MAML3: variants seen among roughly 807,000 people sequenced by gnomAD.
MAML3 encodes mastermind-like protein 3.
Under a neutral mutation model 101.9 loss-of-function variants are expected in MAML3, and 27 were observed. The ratio of observed to expected loss-of-function variants is 0.27; its 90% CI spans 0.20 to 0.37. The LOEUF (loss-of-function observed/expected upper bound fraction) is 0.37. Ranked by LOEUF, MAML3 falls within the 10% of genes least tolerant of loss-of-function variation. The pLI is 1.00. For synonymous variants in MAML3, 501 were observed against 555.9 expected (o/e 0.90, Z 1.39); for missense variants, 1,316 against 1,444.9 (o/e 0.91, Z 1.45).
At chr4:139,953,819 A>G (rs1399098261) in intron 1 of MAML3, among the ~76,000 whole-genome samples, 1 of 152,168 alleles carries the variant, frequency 6.6e-6, no homozygotes, top group African/African-American at 2.4e-5. Flanking sequence ...CCTATACTGC[A>G]TCTGAATTCT....
At chr4:140,127,222 C>T (rs1479098919) in intron 1 of MAML3, among the ~76,000 whole-genome samples, 2 of 152,230 alleles carry the variant, frequency 1.3e-5, no homozygotes, top group South Asian at 2.1e-4. Context: ...CACCAAAACA[C>T]TCATGATTCC....
chr4:140,058,677 T>G (rs1727394875), intron 1 of MAML3, among the ~76,000 whole-genome samples: 1 of 152,144 alleles, frequency 6.6e-6, no homozygotes, highest in Non-Finnish European at 1.5e-5. Context: ...TAACTCATCA[T>G]GTTCTAGCTT....
chr4:139,960,623 G>A (rs890143015), intron 1 of MAML3, among the ~76,000 whole-genome samples: 1 of 152,182 alleles, frequency 6.6e-6, no homozygotes, highest in Non-Finnish European at 1.5e-5. Flanking sequence ...GTTAGTAGAT[G>A]AGGCAAAGGA....
intron 1 of MAML3, among the ~76,000 whole-genome samples, chr4:140,147,415 G>C (rs890449187): frequency 6.6e-6 from 1 of 152,122 alleles, no homozygotes; most frequent in African/African-American, 2.4e-5. Flanking sequence ...CTGAGAGTCA[G>C]GAGCACCAAA....
intron 2 of MAML3, among the ~76,000 whole-genome samples, chr4:139,803,296 C>T (rs947516754): frequency 6.6e-6 from 1 of 152,124 alleles, no homozygotes; most frequent in Non-Finnish European, 1.5e-5. Flanking sequence ...AAATGCAGTG[C>T]TGCTGGATAG....
chr4:140,137,049 C>A (rs965052158), intron 1 of MAML3, among the ~76,000 whole-genome samples: 1 of 152,250 alleles, frequency 6.6e-6, no homozygotes, highest in South Asian at 2.1e-4. Flanking sequence ...ACTGCAGTGG[C>A]GCTATCTCGG....
intron 2 of MAML3, among the ~76,000 whole-genome samples, chr4:139,875,916 CA>C (rs57104878): frequency 0.017 from 1,381 of 81,496 alleles, 9 homozygotes; most frequent in Non-Finnish European, 0.02. Flanking sequence ...TCACAAACAG[CA>C]AAAAAAAAAA....
At chr4:139,722,502 A>C (rs1413506054) in intron 4 of MAML3, among the ~76,000 whole-genome samples, 1 of 152,196 alleles carries the variant, frequency 6.6e-6, no homozygotes, top group Admixed American at 6.5e-5. Context: ...TTATTGTGAG[A>C]CACTGTAATC....
intron 1 of MAML3, among the ~76,000 whole-genome samples, chr4:139,928,598 T>C (rs769686): frequency 0.97 from 147,130 of 152,286 alleles, 71,100 homozygotes; most frequent in East Asian, 1. Context: ...CTCAAGGAAA[T>C]GGGAATAGCT....
intron 2 of MAML3, among the ~76,000 whole-genome samples, chr4:139,884,038 C>T (rs1732276341): frequency 6.6e-6 from 1 of 151,966 alleles, no homozygotes; most frequent in South Asian, 2.1e-4. Context: ...CCTGCCACCA[C>T]TCCCATATAA....
At chr4:139,949,051 C>T (rs1261342394) in intron 1 of MAML3, among the ~76,000 whole-genome samples, 1 of 151,942 alleles carries the variant, frequency 6.6e-6, no homozygotes, top group African/African-American at 2.4e-5. Context: ...GAGTCTTGCT[C>T]TGTTGCCAGG....
At chr4:139,813,590 C>T (rs901184195) in intron 2 of MAML3, among the ~76,000 whole-genome samples, 1 of 152,172 alleles carries the variant, frequency 6.6e-6, no homozygotes, top group African/African-American at 2.4e-5. Flanking sequence ...TATTTTCATA[C>T]ATGCAAGGCC....
chr4:139,768,998 T>A (rs1360224932), intron 2 of MAML3, among the ~76,000 whole-genome samples: 3 of 152,250 alleles, frequency 2.0e-5, no homozygotes, highest in Non-Finnish European at 2.9e-5. Context: ...AGGGGCTGAC[T>A]GAGCCCCAGT....
chr4:139,722,766 C>G (rs1301852399), intron 4 of MAML3, among the ~76,000 whole-genome samples: 1 of 152,222 alleles, frequency 6.6e-6, no homozygotes, highest in Non-Finnish European at 1.5e-5. Flanking sequence ...GATAGGTTCT[C>G]ATGCAAGTTA....
In MAML3 at chr4:139,719,485, C is replaced by T. The variant is rs1180941436; in HGVS notation, c.3255G>A (p.Glu1085=). The change falls in exon 5 of 5, where the codon GAG becomes GAA. Residue 1085 remains glutamate, a synonymous_variant. Transcript: ENST00000509479. ...ATGACACGTCCTGAGGGGCATTCCG[C>T]TCATAGGCTTGGCTCTGGCTGCTTG... The part of the protein sequence containing the change: ...FAPSSQSQAY[E]RNAPQDVSYN... 1.9e-6 allele frequency: 3 copies of T among 1,613,920 alleles called. No individual in the cohort carries two copies. The highest frequency in any genetic ancestry group is 1.7e-6 in the Non-Finnish European group (2 of 1,179,912).
intron 1 of MAML3, among the ~76,000 whole-genome samples, chr4:140,047,097 T>A (rs1727195357): frequency 6.6e-6 from 1 of 152,068 alleles, no homozygotes; most frequent in African/African-American, 2.4e-5. Context: ...GCATTTGAGA[T>A]GGGCTTTTGA....
chr4:139,875,234 C>T (rs911391890), intron 2 of MAML3, among the ~76,000 whole-genome samples: 3 of 135,482 alleles, frequency 2.2e-5, no homozygotes, highest in African/African-American at 8.3e-5. Context: ...GACTCCCGAC[C>T]TCTACACTCT....
At chr4:139,769,133 C>T (rs1258661550) in intron 2 of MAML3, among the ~76,000 whole-genome samples, 1 of 152,188 alleles carries the variant, frequency 6.6e-6, no homozygotes, top group Non-Finnish European at 1.5e-5. Flanking sequence ...GAAGTCCTAC[C>T]ATTAGCTTGC....
intron 1 of MAML3, among the ~76,000 whole-genome samples, chr4:139,910,522 C>T (rs887387022): frequency 6.6e-6 from 1 of 152,134 alleles, no homozygotes; most frequent in African/African-American, 2.4e-5. Context: ...AAAGTAGCTA[C>T]ATGCAACTAG....
Sources: allele counts gnomAD v4.1 joint callset (sites outside exome capture counted in the v4.1 genomes callset), GRCh38; gene constraint gnomAD v4.1.1; transcripts MANE v1.5; gene names NCBI Gene and HGNC (gene_info 2026-07-23, HGNC 2026-07-21).